NSUN2: variants seen among roughly 807,000 people sequenced by gnomAD.
NSUN2 encodes NOP2/Sun RNA methyltransferase 2, also known as RNA cytosine C(5)-methyltransferase NSUN2.
Under a neutral mutation model 92.7 loss-of-function variants are expected in NSUN2, and 63 were observed. The observed-to-expected ratio is 0.68, with a 90% CI of 0.56 to 0.84. NSUN2 has a LOEUF of 0.84. NSUN2 is among the 40% of genes least tolerant of loss of function. The pLI, the probability that NSUN2 is intolerant of heterozygous loss-of-function variation, is 0.00. For synonymous variants in NSUN2, 356 were observed against 348.3 expected, an observed-to-expected ratio of 1.02 and a Z score of -0.25; for missense variants, 989 against 964.9, an observed-to-expected ratio of 1.02 and a Z score of -0.33.
intron 4 of NSUN2, among the ~76,000 whole-genome samples, chr5:6,623,894 G>A (rs1036275362): frequency 6.6e-6 from 1 of 152,096 alleles, no homozygotes; most frequent in African/African-American, 2.4e-5. Context: ...CTGTTACAAG[G>A]CAGAACTATT....
intron 9 of NSUN2, among the ~76,000 whole-genome samples, chr5:6,615,592 T>C (rs986335389): frequency 1.5e-5 from 2 of 132,836 alleles, no homozygotes; most frequent in Admixed American, 7.7e-5. Flanking sequence ...CAACATTACA[T>C]TCCAGCTTAA....
chr5:6,622,792 A>G (rs1737498878), intron 5 of NSUN2, among the ~76,000 whole-genome samples: 1 of 150,312 alleles, frequency 6.7e-6, no homozygotes, highest in South Asian at 2.1e-4. Context: ...GGTTGCAGTG[A>G]GCCAAGATCG....
chr5:6,632,328 G>T (rs966498584), intron 2 of NSUN2, among the ~76,000 whole-genome samples: 3 of 152,146 alleles, frequency 2.0e-5, no homozygotes, highest in Non-Finnish European at 2.9e-5. Flanking sequence ...CGTTCCAAAA[G>T]GTAAGACCCT....
At chr5:6,632,543 T>C in intron 2 of NSUN2, 56 bp downstream of exon 2, 2 of 1,591,100 alleles carry the variant, frequency 1.3e-6, no homozygotes, top group Non-Finnish European at 1.7e-6. Context: ...CACCGTCGCC[T>C]TTAACCTCCA....
At chr5:6,608,393 T>G (rs1437971340) in intron 12 of NSUN2, among the ~76,000 whole-genome samples, 1 of 152,198 alleles carries the variant, frequency 6.6e-6, no homozygotes, top group African/African-American at 2.4e-5. Context: ...TCTAGCCAAG[T>G]GCTTACAGGC....
chr5:6,631,325 G>A (rs895820908), intron 3 of NSUN2, among the ~76,000 whole-genome samples: 14 of 152,176 alleles, frequency 9.2e-5, no homozygotes, highest in African/African-American at 3.4e-4. Flanking sequence ...AGGTAACCCA[G>A]AAGGCACCTC....
At chr5:6,623,968 C>T (rs887743174) in intron 4 of NSUN2, among the ~76,000 whole-genome samples, 1 of 152,220 alleles carries the variant, frequency 6.6e-6, no homozygotes, top group African/African-American at 2.4e-5. Context: ...CTACTTTAAT[C>T]GCCTTGAAGC....
At position 6,599,830 on chromosome 5, in the gene NSUN2, G is replaced by T; in HGVS notation, c.*96C>A. Reference sequence around the variant, plus strand: ...GTCATTAGAAATATATGCTTTACAGGCCACAGGCTGCTCTGGATTTGGTTT... The same window carrying T: ...GTCATTAGAAATATATGCTTTACAGTCCACAGGCTGCTCTGGATTTGGTTT... On this transcript the variant is annotated 3_prime_UTR_variant, in exon 19 of 19. Coordinates refer to ENST00000264670, the MANE Select transcript of NSUN2 (RefSeq NM_017755.6). 1.9e-6 allele frequency: 2 copies of T among 1,076,164 alleles called. No individual in the cohort carries two copies. Among genetic ancestry groups the T allele is most frequent in the Non-Finnish European group, 2.7e-6 (2 of 729,348 alleles). 66.7% of individuals were successfully genotyped at this position (1,076,164 alleles called of 1,614,324 possible). A position where few individuals can be genotyped will look rare whatever the true frequency, so the allele number is the denominator to read the frequency against.
chr5:6,616,780 A>G lies in NSUN2; in HGVS notation c.968T>C (p.Leu323Pro). The change falls in exon 9 of 19, where the codon CTA becomes CCA. Residue 323 changes from leucine to proline, a missense_variant. This residue lies in a region of NSUN2 where 626 missense variants were observed against 602.3 expected (regional missense o/e 1.04). Transcript: ENST00000264670. ...GACTGCTTCATCCTCAATAGGGTTT[A>G]GTGAACACGTGGAATACACCATCCT... ...GGRMVYSTCS[L>P]NPIEDEAVIA... The G allele has an allele frequency of 6.4e-7, 1 of 1,572,472 alleles. No homozygotes were observed. Among genetic ancestry groups the G allele is most frequent in the Non-Finnish European group, 8.6e-7 (1 of 1,161,570 alleles).
chr5:6,625,590 G>A lies in NSUN2; in HGVS notation c.439C>T (p.Gln147Ter). Residue 147 changes from glutamine to a stop codon, truncating the protein, a stop_gained, in exon 4 of 19, where the codon CAG (glutamine) becomes TAG (stop). Transcript: ENST00000264670. LOFTEE classifies it high-confidence loss of function. ...GATTCTGTTTCACTAACTAGAAACT[G>A]ATGAAACTTTTCCAAGTGTGGCGAT... ...RKSPHLEKFH[Q>*]FLVSETESGN... 1 of 1,614,002 alleles carries A rather than the reference G, an allele frequency of 6.2e-7. No homozygotes were observed. Among genetic ancestry groups the A allele is most frequent in the South Asian group, 1.1e-5 (1 of 91,078 alleles).
rs1339872990 is a variant in NSUN2 at position 6,604,294 on chromosome 5, A to G, written c.1819-18T>C. ...TATATTCCCTGTGTGAATAAAGAGA[A>G]TGAGAGAACAGATACCATGATGTCA... is the stretch of plus-strand genomic sequence containing the variant. On this transcript the variant is annotated intron_variant, in intron 16 of 18. Coordinates refer to ENST00000264670, the MANE Select transcript of NSUN2 (RefSeq NM_017755.6). The G allele has an allele frequency of 6.3e-7, 1 of 1,579,688 alleles. No individual in the cohort carries two copies. The highest frequency in any genetic ancestry group is 1.7e-4 in the Middle Eastern group (1 of 5,824).
intron 15 of NSUN2, chr5:6,605,021 C>A (rs1736704427): frequency 1.7e-6 from 1 of 600,456 alleles, no homozygotes; most frequent in Non-Finnish European, 2.9e-6. Flanking sequence ...GAGAACTACA[C>A]CATGGCTCAC....
Position 6,632,733 on chromosome 5 carries a change from C to A in NSUN2, c.120G>T (p.Glu40Asp). Residue 40 changes from glutamate to aspartate, a missense_variant, in exon 2 of 19, where the codon GAG (glutamate) becomes GAT (aspartate). Glu to Asp is a conservative substitution (Grantham distance 45). Transcript: ENST00000264670. ...CGAACAGCTTGTTCTCCTTGACGAT[C>A]TCGGGGTAGCCTCCTTCCCAGCCCT... Reference protein sequence around the residue: ...GEAGWEGGYPEIVKENKLFEH... With the variant: ...GEAGWEGGYPDIVKENKLFEH... 1 of 1,614,064 alleles carries A rather than the reference C, an allele frequency of 6.2e-7. No homozygotes were observed. The highest frequency in any genetic ancestry group is 8.5e-7 in the Non-Finnish European group (1 of 1,179,942).
intron 3 of NSUN2, among the ~76,000 whole-genome samples, chr5:6,631,138 T>C (rs1737870831): frequency 1.3e-5 from 2 of 152,204 alleles, no homozygotes; most frequent in Non-Finnish European, 2.9e-5. Context: ...ATTCACCTTT[T>C]CGTGCATTAC....
rs572452200 is a variant in NSUN2, at chr5:6,618,118, G to A, written c.816-94C>T. On this transcript the variant is annotated intron_variant, in intron 7 of 18. Coordinates refer to ENST00000264670, the MANE Select transcript of NSUN2 (RefSeq NM_017755.6). ...ACATACAAGCTAAGTTACAAAACAA[G>A]TGTTACAAATATCAGTTAGGAAACA... 16 of 783,488 alleles carry A rather than the reference G, an allele frequency of 2.0e-5. No individual in the cohort carries two copies. The East Asian group carries it at 4.2e-4, about 21-fold the overall frequency. The allele number at this position is 783,488 out of a possible 1,614,324, so 48.5% of individuals were successfully genotyped here.
intron 3 of NSUN2, among the ~76,000 whole-genome samples, chr5:6,627,975 A>G (rs1288509208): frequency 6.6e-6 from 1 of 152,236 alleles, no homozygotes; most frequent in Non-Finnish European, 1.5e-5. Flanking sequence ...ATCTTTGCAT[A>G]TTAAAAATTC....
chr5:6,601,741 G>A (rs1736565283), intron 18 of NSUN2, among the ~76,000 whole-genome samples: 1 of 152,052 alleles, frequency 6.6e-6, no homozygotes, highest in African/African-American at 2.4e-5. Context: ...CTGTACAGTG[G>A]TTCTACCTAT....
chr5:6,607,083 T>C (rs992649854), intron 13 of NSUN2, 117 bp downstream of exon 13: 2 of 1,099,486 alleles, frequency 1.8e-6, no homozygotes, highest in East Asian at 2.4e-5. Context: ...ATGTGCCTGA[T>C]ACCACACATG....
intron 2 of NSUN2, among the ~76,000 whole-genome samples, chr5:6,632,257 A>AG (rs574337637): frequency 3.3e-5 from 5 of 152,036 alleles, no homozygotes; most frequent in African/African-American, 4.8e-5. Flanking sequence ...ACAAAGATGG[A>AG]GGGGGGGCGC....
Sources: allele counts gnomAD v4.1 joint callset (sites outside exome capture counted in the v4.1 genomes callset), GRCh38; gene constraint gnomAD v4.1.1; regional missense constraint gnomAD v4.1.1; transcripts MANE v1.5; gene names NCBI Gene and HGNC (gene_info 2026-07-23, HGNC 2026-07-21).